The following PPARGC1A variants were observed in gnomAD, a reference collection of about 807,000 sequenced individuals.
PPARGC1A encodes the protein PPARG coactivator 1 alpha.
In PPARGC1A, 25 loss-of-function variants were observed where a neutral mutation model predicts 88.7. That is an observed-to-expected ratio of 0.28 (90% CI 0.21 to 0.39). PPARGC1A has a LOEUF of 0.39. Ranked by LOEUF, PPARGC1A falls within the 10% of genes least tolerant of loss-of-function variation. PPARGC1A has a pLI of 1.00. For missense variants in PPARGC1A, 880 were observed against 968.7 expected, an observed-to-expected ratio of 0.91 and a Z score of 1.22; for synonymous variants, 363 against 355.6, an observed-to-expected ratio of 1.02 and a Z score of -0.24.
the PPARGC1A span, among the ~76,000 whole-genome samples, chr4:23,991,180 C>T: frequency 4.1e-4 from 62 of 151,986 alleles, 1 homozygote; most frequent in African/African-American, 1.5e-3. Flanking sequence ...GATAGCAATT[C>T]CTCCATAGAT....
chr4:23,810,028 C>T (rs181702592), intron 10 of PPARGC1A, among the ~76,000 whole-genome samples: 122 of 152,256 alleles, frequency 8.0e-4, no homozygotes, highest in African/African-American at 1.9e-3. Context: ...GATACAGGGA[C>T]GATGTCTTTC....
chr4:24,348,098 G>A, the PPARGC1A span, among the ~76,000 whole-genome samples: 1 of 152,188 alleles, frequency 6.6e-6, no homozygotes, highest in African/African-American at 2.4e-5. Flanking sequence ...ATTCTTGGCT[G>A]ATAATTGCTT....
chr4:24,175,984 G>A, the PPARGC1A span, among the ~76,000 whole-genome samples: 2 of 152,000 alleles, frequency 1.3e-5, no homozygotes, highest in Admixed American at 6.6e-5. Flanking sequence ...ACTCTCTGGG[G>A]ATTCCAACTA....
chr4:24,264,688 A>G, the PPARGC1A span, among the ~76,000 whole-genome samples: 1 of 152,262 alleles, frequency 6.6e-6, no homozygotes, highest in Non-Finnish European at 1.5e-5. Flanking sequence ...GCTACTAAGA[A>G]TTAGAGAGAT....
the PPARGC1A span, among the ~76,000 whole-genome samples, chr4:24,195,470 G>A: frequency 6.6e-6 from 1 of 152,102 alleles, no homozygotes. Context: ...TGAGCATATT[G>A]TACATACTCC....
At chr4:24,138,258 C>T in the PPARGC1A span, among the ~76,000 whole-genome samples, 3 of 152,152 alleles carry the variant, frequency 2.0e-5, no homozygotes, top group Non-Finnish European at 4.4e-5. Context: ...GAGAACTCAC[C>T]CACAACCTGA....
chr4:24,004,380 T>A, the PPARGC1A span, among the ~76,000 whole-genome samples: 2 of 152,286 alleles, frequency 1.3e-5, no homozygotes, highest in Admixed American at 6.5e-5. Context: ...GGCACAACAC[T>A]CCGTGACTTT....
the PPARGC1A span, among the ~76,000 whole-genome samples, chr4:23,921,051 C>CA: frequency 1.3e-5 from 2 of 152,132 alleles, no homozygotes; most frequent in Non-Finnish European, 2.9e-5. Flanking sequence ...TGCCACCCCC[C>CA]ACCCACTCCT....
the PPARGC1A span, among the ~76,000 whole-genome samples, chr4:24,273,317 T>C: frequency 2.6e-5 from 4 of 152,232 alleles, no homozygotes; most frequent in Non-Finnish European, 5.9e-5. Flanking sequence ...ATGTTTGTTA[T>C]AAGGCGAGGC....
intron 2 of PPARGC1A, among the ~76,000 whole-genome samples, chr4:23,877,479 A>C (rs1714993981): frequency 7.2e-6 from 1 of 139,678 alleles, no homozygotes; most frequent in Non-Finnish European, 1.5e-5. Context: ...GGGAGGTTGC[A>C]GTGAGCTGAG....
chr4:24,172,945 T>A, the PPARGC1A span, among the ~76,000 whole-genome samples: 5 of 152,288 alleles, frequency 3.3e-5, no homozygotes, highest in South Asian at 1.0e-3. Flanking sequence ...AGGAAGACAA[T>A]TTTTCCAAAA....
chr4:24,390,784 T>C, the PPARGC1A span, among the ~76,000 whole-genome samples: 1 of 152,004 alleles, frequency 6.6e-6, no homozygotes, highest in Non-Finnish European at 1.5e-5. Flanking sequence ...TTTTAAATAG[T>C]AAGTGGATTC....
chr4:24,147,937 C>G, the PPARGC1A span, among the ~76,000 whole-genome samples: 29 of 151,934 alleles, frequency 1.9e-4, 2 homozygotes, highest in African/African-American at 7.0e-4. Context: ...GAGTGAGACT[C>G]CATCTAAAAA....
chr4:24,088,143 G>C, the PPARGC1A span, among the ~76,000 whole-genome samples: 1 of 152,258 alleles, frequency 6.6e-6, no homozygotes, highest in Admixed American at 6.5e-5. Flanking sequence ...GAGCCCAGGA[G>C]TTCAAGATTA....
chr4:23,863,438 G>A (rs997242603), intron 2 of PPARGC1A, among the ~76,000 whole-genome samples: 1 of 152,002 alleles, frequency 6.6e-6, no homozygotes, highest in African/African-American at 2.4e-5. Flanking sequence ...AAATGAGCAT[G>A]CTAGATGAAA....
chr4:24,195,614 T>C, the PPARGC1A span, among the ~76,000 whole-genome samples: 10 of 152,366 alleles, frequency 6.6e-5, no homozygotes, highest in Admixed American at 3.3e-4. Context: ...AAGCAGGGTT[T>C]TAAATAGCGA....
the PPARGC1A span, among the ~76,000 whole-genome samples, chr4:24,084,311 C>T: frequency 2.6e-5 from 4 of 152,316 alleles, no homozygotes; most frequent in East Asian, 5.8e-4. Flanking sequence ...TTCAGAAAAA[C>T]TCAAGAAGAC....
At chr4:24,211,520 A>G in the PPARGC1A span, among the ~76,000 whole-genome samples, 1,053 of 152,206 alleles carry the variant, frequency 6.9e-3, 14 homozygotes, top group African/African-American at 0.024. Flanking sequence ...AGACAGGTGT[A>G]TCTGCCCTAT....
chr4:24,417,585 G>A, the PPARGC1A span, among the ~76,000 whole-genome samples: 2 of 152,126 alleles, frequency 1.3e-5, no homozygotes, highest in Admixed American at 1.3e-4. Context: ...TTGTAATATT[G>A]CTTTATTATA....
Sources: allele counts gnomAD v4.1 joint callset (sites outside exome capture counted in the v4.1 genomes callset), GRCh38; gene constraint gnomAD v4.1.1; transcripts MANE v1.5; gene names NCBI Gene and HGNC (gene_info 2026-07-23, HGNC 2026-07-21).